Variants in ENTREP2 observed in about 807,000 individuals in gnomAD.
ENTREP2 encodes endosomal transmembrane epsin interactor 2, also known as protein ENTREP2.
chr15:29,436,612 T>C, the ENTREP2 span, among the ~76,000 whole-genome samples: 1 of 152,218 alleles, frequency 6.6e-6, no homozygotes, highest in Non-Finnish European at 1.5e-5. Flanking sequence ...ACAAAAATCA[T>C]CTACTTCTAA....
the ENTREP2 span, chr15:29,269,502 G>T: frequency 3.6e-5 from 57 of 1,601,042 alleles, no homozygotes; most frequent in South Asian, 4.9e-4. Context: ...GGGCCCGGCG[G>T]GCGCCCTGAG....
At chr15:29,627,706 G>A in the ENTREP2 span, among the ~76,000 whole-genome samples, 1 of 152,090 alleles carries the variant, frequency 6.6e-6, no homozygotes, top group South Asian at 2.1e-4. Context: ...ACATTTGCCA[G>A]TCCTAGGTGC....
the ENTREP2 span, among the ~76,000 whole-genome samples, chr15:29,629,480 T>C: frequency 3.3e-5 from 5 of 152,232 alleles, no homozygotes; most frequent in African/African-American, 1.2e-4. Context: ...ATTTTCTTAG[T>C]GTTTGCTCTA....
chr15:29,433,011 T>C, the ENTREP2 span, among the ~76,000 whole-genome samples: 1 of 152,150 alleles, frequency 6.6e-6, no homozygotes, highest in African/African-American at 2.4e-5. Context: ...CTGGGTAAAG[T>C]TCTCCATGAG....
the ENTREP2 span, among the ~76,000 whole-genome samples, chr15:29,490,090 T>C: frequency 6.6e-6 from 1 of 152,206 alleles, no homozygotes; most frequent in Non-Finnish European, 1.5e-5. Context: ...TAAACATTTC[T>C]GTATGTGCGG....
chr15:29,638,903 T>A, the ENTREP2 span, among the ~76,000 whole-genome samples: 1 of 152,182 alleles, frequency 6.6e-6, no homozygotes, highest in Non-Finnish European at 1.5e-5. Flanking sequence ...AGCCCTCAGC[T>A]CAAAGGGCTG....
At chr15:29,368,422 C>A in the ENTREP2 span, among the ~76,000 whole-genome samples, 1 of 151,100 alleles carries the variant, frequency 6.6e-6, no homozygotes, top group African/African-American at 2.4e-5. Flanking sequence ...ATATATGACC[C>A]CTGAGAAAGG....
chr15:29,409,031 C>T, the ENTREP2 span, among the ~76,000 whole-genome samples: 2 of 152,164 alleles, frequency 1.3e-5, no homozygotes, highest in African/African-American at 2.4e-5. Flanking sequence ...AATTCCTATT[C>T]AAATTTCCCA....
chr15:29,158,770 A>C, the ENTREP2 span, among the ~76,000 whole-genome samples: 33 of 152,004 alleles, frequency 2.2e-4, no homozygotes, highest in Non-Finnish European at 3.7e-4. Context: ...TTGCTACTGG[A>C]TATTCTGATG....
chr15:29,525,473 A>G, the ENTREP2 span, among the ~76,000 whole-genome samples: 1 of 152,234 alleles, frequency 6.6e-6, no homozygotes, highest in African/African-American at 2.4e-5. Flanking sequence ...AAATGTTAAG[A>G]AAATAGACCA....
chr15:29,624,062 G>A, the ENTREP2 span, among the ~76,000 whole-genome samples: 3 of 152,284 alleles, frequency 2.0e-5, no homozygotes, highest in South Asian at 6.2e-4. Context: ...TTGGCCTCTA[G>A]TTATAAAGGT....
the ENTREP2 span, among the ~76,000 whole-genome samples, chr15:29,397,521 T>A: frequency 1.3e-5 from 2 of 148,372 alleles, no homozygotes; most frequent in South Asian, 2.1e-4. Flanking sequence ...TGGTCCTCAC[T>A]TACAGGGCTG....
chr15:29,127,246 T>A, the ENTREP2 span, among the ~76,000 whole-genome samples: 1 of 152,138 alleles, frequency 6.6e-6, no homozygotes, highest in South Asian at 2.1e-4. Context: ...CCACGGGGTG[T>A]GCATGCATGT....
chr15:29,554,257 GT>G, the ENTREP2 span, among the ~76,000 whole-genome samples: 3 of 151,020 alleles, frequency 2.0e-5, no homozygotes, highest in East Asian at 5.9e-4. Context: ...GAAGGTTGCA[GT>G]GAGCCGAGAT....
At chr15:29,238,078 G>A in the ENTREP2 span, among the ~76,000 whole-genome samples, 9 of 152,202 alleles carry the variant, frequency 5.9e-5, no homozygotes, top group African/African-American at 1.9e-4. Flanking sequence ...AAAACATTAT[G>A]CTAAGAAAGA....
the ENTREP2 span, among the ~76,000 whole-genome samples, chr15:29,236,074 A>G: frequency 2.1e-3 from 321 of 152,330 alleles, no homozygotes; most frequent in African/African-American, 7.3e-3. Flanking sequence ...TTGATATGAA[A>G]ACTTTTAACA....
the ENTREP2 span, among the ~76,000 whole-genome samples, chr15:29,630,431 T>C: frequency 6.6e-6 from 1 of 152,168 alleles, no homozygotes; most frequent in Non-Finnish European, 1.5e-5. Context: ...TTTTCAGAAG[T>C]TTTATTATAA....
At chr15:29,366,392 A>G in the ENTREP2 span, among the ~76,000 whole-genome samples, 1 of 152,042 alleles carries the variant, frequency 6.6e-6, no homozygotes, top group African/African-American at 2.4e-5. Context: ...AATTTAATGT[A>G]TTATTTAAAC....
chr15:29,335,977 T>C, the ENTREP2 span, among the ~76,000 whole-genome samples: 1 of 151,608 alleles, frequency 6.6e-6, no homozygotes, highest in Non-Finnish European at 1.5e-5. Context: ...CCATCTCTAC[T>C]AAACATACAA....
Sources: allele counts gnomAD v4.1 joint callset (sites outside exome capture counted in the v4.1 genomes callset), GRCh38; gene constraint gnomAD v4.1.1; transcripts MANE v1.5; gene names NCBI Gene and HGNC (gene_info 2026-07-23, HGNC 2026-07-21).